Variants in SLC36A1 observed in about 807,000 individuals in gnomAD.
The protein encoded by SLC36A1 is solute carrier family 36 member 1, also known as proton-coupled amino acid transporter 1.
In SLC36A1, 30 loss-of-function variants were observed where a neutral mutation model predicts 47.5. That is an observed-to-expected ratio of 0.63 (90% CI 0.47 to 0.86). The LOEUF is 0.86. Among genes scored for constraint, SLC36A1 ranks in the 40% least tolerant of loss-of-function variants. The pLI is 0.00. For missense variants in SLC36A1, 517 were observed against 606.0 expected (o/e 0.85, Z 1.54); for synonymous variants, 255 against 249.7 (o/e 1.02, Z -0.20).
At position 151,488,143 on chromosome 5, in the gene SLC36A1, C is replaced by A. The variant is rs747193005; in HGVS notation, c.1320C>A (p.Ile440=). 1 of 1,614,222 alleles carries A rather than the reference C, an allele frequency of 6.2e-7. No individual in the cohort carries two copies. The highest frequency in any genetic ancestry group is 1.1e-5 in the South Asian group (1 of 91,092). ...SPLTIFKDAL[I]SILGFVGFVV... ...TCACCATCTTTAAGGACGCCCTGAT[C>A]AGCATCCTGGGCTTCGTGGGCTTTG... is the stretch of plus-strand genomic sequence containing the variant. Residue 440 remains isoleucine (I), a synonymous_variant, in exon 11 of 11, where the codon ATC becomes ATA. Coordinates refer to ENST00000243389, the MANE Select transcript of SLC36A1 (RefSeq NM_078483.4).
chr5:151,517,256 C>G, the SLC36A1 span, among the ~76,000 whole-genome samples: 22,322 of 152,232 alleles, frequency 0.15, 2,104 homozygotes, highest in Non-Finnish European at 0.2. Flanking sequence ...CATGTGATTC[C>G]ATGGGGTTTG....
the SLC36A1 span, among the ~76,000 whole-genome samples, chr5:151,355,769 A>G: frequency 6.6e-6 from 1 of 152,236 alleles, no homozygotes; most frequent in African/African-American, 2.4e-5. Flanking sequence ...AACAAATGGA[A>G]TCAATTTATT....
chr5:151,456,329 T>G (rs983967722), intron 1 of SLC36A1, among the ~76,000 whole-genome samples: 1 of 152,202 alleles, frequency 6.6e-6, no homozygotes, highest in African/African-American at 2.4e-5. Flanking sequence ...TAAATAATTA[T>G]GTTCATTGAC....
chr5:151,394,682 G>C, the SLC36A1 span, among the ~76,000 whole-genome samples: 1 of 152,348 alleles, frequency 6.6e-6, no homozygotes, highest in African/African-American at 2.4e-5. Context: ...GACCCTGTTT[G>C]CCTGGGTATC....
chr5:151,505,379 C>T, the SLC36A1 span: 2 of 687,660 alleles, frequency 2.9e-6, no homozygotes, highest in Non-Finnish European at 4.8e-6. Context: ...GCTCTATCCT[C>T]AGCTTCCCTC....
At chr5:151,475,275 A>AG (rs1407974989) in intron 8 of SLC36A1, among the ~76,000 whole-genome samples, 4 of 152,200 alleles carry the variant, frequency 2.6e-5, no homozygotes, top group African/African-American at 9.7e-5. Flanking sequence ...GGGCATCCTA[A>AG]GGGACCTTGT....
At chr5:151,495,138 C>T (rs181546418), downstream of SLC36A1, among the ~76,000 whole-genome samples, 115 of 152,252 alleles carry the variant, frequency 7.6e-4, no homozygotes, top group Non-Finnish European at 1.3e-3. Flanking sequence ...ATATCTTCAC[C>T]AATACTTAAT....
the SLC36A1 span, among the ~76,000 whole-genome samples, chr5:151,519,299 G>A: frequency 2.9e-4 from 44 of 152,334 alleles, no homozygotes; most frequent in Middle Eastern, 3.4e-3. Context: ...AGCCAAGATC[G>A]TGCCACTGCA....
chr5:151,446,359 C>T (rs934796265), upstream of SLC36A1, among the ~76,000 whole-genome samples: 44 of 152,180 alleles, frequency 2.9e-4, no homozygotes, highest in Admixed American at 2.2e-3. Flanking sequence ...TGGTGAACCT[C>T]GTCTCTACTA....
the SLC36A1 span, chr5:151,550,833 C>T: frequency 1.2e-6 from 2 of 1,613,478 alleles, no homozygotes. Context: ...GAAACTGGGG[C>T]CGATGGTGGT....
At chr5:151,384,168 T>A in the SLC36A1 span, among the ~76,000 whole-genome samples, 1 of 152,190 alleles carries the variant, frequency 6.6e-6, no homozygotes, top group Admixed American at 6.5e-5. Context: ...GCACCCTAGA[T>A]TGGGCATCAG....
chr5:151,469,168 T>C (rs1473437379), intron 7 of SLC36A1: 1 of 651,454 alleles, frequency 1.5e-6, no homozygotes, highest in Non-Finnish European at 2.8e-6. Flanking sequence ...ACAACACAAA[T>C]ACCTCTTGAA....
the SLC36A1 span, among the ~76,000 whole-genome samples, chr5:151,519,800 G>A: frequency 6.6e-6 from 1 of 152,072 alleles, no homozygotes; most frequent in African/African-American, 2.4e-5. Context: ...GGTGATCCAT[G>A]AGTTTATCTA....
the SLC36A1 span, among the ~76,000 whole-genome samples, chr5:151,376,917 GC>G: frequency 6.6e-6 from 1 of 152,206 alleles, no homozygotes; most frequent in Admixed American, 6.5e-5. Flanking sequence ...ACAGGCATGA[GC>G]CGCCGCACCC....
At chr5:151,438,657 AG>A (rs1759920246) in intron 1 of SLC36A1, among the ~76,000 whole-genome samples, 1 of 152,222 alleles carries the variant, frequency 6.6e-6, no homozygotes, top group Non-Finnish European at 1.5e-5. Context: ...TCCTGCCTGC[AG>A]GTTGTCAGGC....
chr5:151,475,210 C>A (rs1182631391), intron 8 of SLC36A1, among the ~76,000 whole-genome samples: 2 of 152,168 alleles, frequency 1.3e-5, no homozygotes, highest in African/African-American at 4.8e-5. Context: ...GAACTCAGGA[C>A]TGGAAAGAAG....
the SLC36A1 span, chr5:151,521,491 G>A: frequency 1.2e-6 from 2 of 1,614,102 alleles, no homozygotes; most frequent in African/African-American, 2.7e-5. Flanking sequence ...AGTGATGATG[G>A]ATGCTAGCTC....
intron 10 of SLC36A1, among the ~76,000 whole-genome samples, chr5:151,483,442 G>T (rs940813443): frequency 1.3e-5 from 2 of 149,578 alleles, no homozygotes; most frequent in African/African-American, 5.1e-5. Flanking sequence ...CAGCTGAGCT[G>T]CTGCTGAGAA....
chr5:151,530,789 T>TG, the SLC36A1 span, among the ~76,000 whole-genome samples: 1 of 152,214 alleles, frequency 6.6e-6, no homozygotes, highest in Admixed American at 6.5e-5. Context: ...TGGATGGATG[T>TG]AGGGGCCAAA....
Sources: allele counts gnomAD v4.1 joint callset (sites outside exome capture counted in the v4.1 genomes callset), GRCh38; gene constraint gnomAD v4.1.1; transcripts MANE v1.5; gene names NCBI Gene and HGNC (gene_info 2026-07-23, HGNC 2026-07-21).